The following RBFOX1 variants were observed in gnomAD, a reference collection of about 807,000 sequenced individuals.
RBFOX1 encodes RNA binding protein fox-1 homolog 1.
Under a neutral mutation model 57.7 loss-of-function variants are expected in RBFOX1, and 8 were observed. The observed-to-expected ratio is 0.14, with a 90% CI of 0.08 to 0.25. RBFOX1 has a LOEUF of 0.25. Among genes scored for constraint, RBFOX1 ranks in the 10% least tolerant of loss-of-function variants. RBFOX1 has a pLI of 1.00. For missense variants in RBFOX1, 611 were observed against 548.5 expected, an observed-to-expected ratio of 1.11 and a Z score of -1.14; for synonymous variants, 326 against 222.4, an observed-to-expected ratio of 1.47 and a Z score of -4.15.
intron 4 of RBFOX1, among the ~76,000 whole-genome samples, chr16:5,907,158 G>A (rs907636589): frequency 6.6e-6 from 1 of 152,152 alleles, no homozygotes; most frequent in Non-Finnish European, 1.5e-5. Flanking sequence ...TGGAAACTTT[G>A]CAGATTGTTG....
At chr16:5,964,122 A>G (rs1188058751) in intron 4 of RBFOX1, among the ~76,000 whole-genome samples, 1 of 152,222 alleles carries the variant, frequency 6.6e-6, no homozygotes, top group Admixed American at 6.5e-5. Flanking sequence ...TCCAAAGAAG[A>G]CACACAAATG....
intron 1 of RBFOX1, among the ~76,000 whole-genome samples, chr16:6,210,275 G>C (rs569074584): frequency 7.2e-6 from 1 of 139,100 alleles, no homozygotes; most frequent in African/African-American, 2.7e-5. Flanking sequence ...CTGAGATCAC[G>C]CATTGCATTC....
chr16:5,345,485 G>A (rs80277990), intron 1 of RBFOX1, among the ~76,000 whole-genome samples: 3,751 of 152,306 alleles, frequency 0.025, 154 homozygotes, highest in African/African-American at 0.085. Context: ...AAAATGAACT[G>A]CAGGCAGATC....
chr16:7,409,686 T>G (rs988735714), intron 4 of RBFOX1, among the ~76,000 whole-genome samples: 2 of 152,204 alleles, frequency 1.3e-5, no homozygotes, highest in Non-Finnish European at 1.5e-5. Flanking sequence ...TCCTTGGCTA[T>G]TCCCTTAACC....
intron 3 of RBFOX1, among the ~76,000 whole-genome samples, chr16:6,864,860 A>G (rs992593653): frequency 4.6e-5 from 7 of 151,972 alleles, no homozygotes; most frequent in African/African-American, 1.7e-4. Flanking sequence ...ATCTGAGGTC[A>G]TGTGAATGGA....
At chr16:5,378,693 T>C (rs1440373323) in intron 1 of RBFOX1, among the ~76,000 whole-genome samples, 3 of 151,444 alleles carry the variant, frequency 2.0e-5, no homozygotes, top group Admixed American at 6.6e-5. Flanking sequence ...CTGTTCCTAT[T>C]ACCGATGGAC....
intron 10 of RBFOX1, among the ~76,000 whole-genome samples, chr16:7,625,567 C>T (rs913084538): frequency 6.6e-6 from 1 of 152,156 alleles, no homozygotes; most frequent in African/African-American, 2.4e-5. Flanking sequence ...TCTTCAAGAG[C>T]ATCCTCCAGA....
In RBFOX1 at chr16:6,730,370, G is replaced by A. The variant is rs192963965; in HGVS notation, c.-16+75720G>A. The stretch of plus-strand genomic sequence containing the variant: ...TTATATAGTAAGCAGTAAGCATGTG[G>A]AATCTCTCTCTCTCTGTCTCTATCA... On this transcript the variant is annotated intron_variant, in intron 3 of 15. Transcript: ENST00000550418. Among the ~76,000 whole-genome samples the A allele has an allele frequency of 2.6e-5, 4 of 151,146 alleles. 1 individual carries two copies. The highest frequency in any genetic ancestry group is 2.9e-5 in the Non-Finnish European group (2 of 68,018).
intron 2 of RBFOX1, among the ~76,000 whole-genome samples, chr16:6,598,226 G>A (rs1203494364): frequency 6.6e-6 from 1 of 152,146 alleles, no homozygotes; most frequent in Non-Finnish European, 1.5e-5. Context: ...ACACTATATA[G>A]TTTCTAACTT....
In RBFOX1 at chr16:6,755,515, A is replaced by G. The variant is rs561914327; in HGVS notation, c.-16+100865A>G. On this transcript the variant is annotated intron_variant, in intron 3 of 15. Coordinates refer to ENST00000550418, the MANE Select transcript of RBFOX1 (RefSeq NM_018723.4). Reference sequence around the variant, plus strand: ...ATAAATGTCTCCTGTTTTAATGCCAAGATAACCCGTCAGAACACCTGAAAT... The same window carrying G: ...ATAAATGTCTCCTGTTTTAATGCCAGGATAACCCGTCAGAACACCTGAAAT... Among the ~76,000 whole-genome samples the G allele has an allele frequency of 2.6e-5, 4 of 152,338 alleles. No homozygotes were observed. The East Asian group carries it at 7.7e-4, about 29-fold the overall frequency.
At chr16:6,261,372 A>G (rs2097700464) in intron 1 of RBFOX1, among the ~76,000 whole-genome samples, 1 of 152,200 alleles carries the variant, frequency 6.6e-6, no homozygotes, top group African/African-American at 2.4e-5. Flanking sequence ...ACCTAGTACC[A>G]AAATAGTACG....
At chr16:7,193,359 G>C (rs963369173) in intron 4 of RBFOX1, among the ~76,000 whole-genome samples, 1 of 152,204 alleles carries the variant, frequency 6.6e-6, no homozygotes, top group African/African-American at 2.4e-5. Flanking sequence ...CTCCAGAAAA[G>C]AACATGCCCC....
intron 4 of RBFOX1, among the ~76,000 whole-genome samples, chr16:7,342,162 G>A (rs149651227): frequency 6.6e-6 from 1 of 152,142 alleles, no homozygotes; most frequent in African/African-American, 2.4e-5. Flanking sequence ...TACTCTCTCT[G>A]TGTTACTCTT....
At chr16:7,151,338 G>A (rs17669939) in intron 4 of RBFOX1, among the ~76,000 whole-genome samples, 21,896 of 152,106 alleles carry the variant, frequency 0.14, 1,671 homozygotes, top group East Asian at 0.25. Context: ...TATATTTTTT[G>A]ACAGTGAGAT....
intron 2 of RBFOX1, among the ~76,000 whole-genome samples, chr16:6,637,727 A>T (rs948220659): frequency 6.6e-6 from 1 of 151,604 alleles, no homozygotes; most frequent in Admixed American, 6.6e-5. Context: ...CAGGGTCTAG[A>T]AGAATATTGT....
intron 2 of RBFOX1, among the ~76,000 whole-genome samples, chr16:5,480,542 C>G (rs2069500258): frequency 6.6e-6 from 1 of 152,170 alleles, no homozygotes; most frequent in Non-Finnish European, 1.5e-5. Context: ...TAGAAAGATG[C>G]ACAATGCCCT....
At chr16:7,441,520 C>A (rs2098766665) in intron 4 of RBFOX1, among the ~76,000 whole-genome samples, 1 of 152,108 alleles carries the variant, frequency 6.6e-6, no homozygotes, top group South Asian at 2.1e-4. Flanking sequence ...CTGTTTCTCT[C>A]CTACTATAAT....
At chr16:5,833,266 G>C (rs1482804281) in intron 3 of RBFOX1, among the ~76,000 whole-genome samples, 1 of 152,140 alleles carries the variant, frequency 6.6e-6, no homozygotes, top group Non-Finnish European at 1.5e-5. Flanking sequence ...GGCTGAGGCA[G>C]GTGGATCATG....
intron 2 of RBFOX1, among the ~76,000 whole-genome samples, chr16:5,546,641 A>T (rs1160086273): frequency 6.6e-6 from 1 of 152,224 alleles, no homozygotes; most frequent in Non-Finnish European, 1.5e-5. Flanking sequence ...TATACAACCT[A>T]AATCTGTAAA....
Sources: gnomAD v4.1 joint callset for allele counts (sites outside exome capture counted in the v4.1 genomes callset) on GRCh38, gnomAD v4.1.1 for gene constraint, MANE v1.5 for transcripts, NCBI Gene and HGNC (gene_info 2026-07-23, HGNC 2026-07-21) for gene names.